Variants in C9 observed in about 807,000 individuals in gnomAD.
C9 encodes the protein complement C9.
Under a neutral mutation model 65.4 loss-of-function variants are expected in C9, and 63 were observed. The ratio of observed to expected loss-of-function variants is 0.96; its 90% CI spans 0.79 to 1.19. The LOEUF is 1.19. Among genes scored for constraint, C9 ranks in the 50% most tolerant of loss-of-function variants. C9 has a pLI of 0.00. For missense variants in C9, 744 were observed against 670.1 expected, an observed-to-expected ratio of 1.11 and a Z score of -1.22; for synonymous variants, 229 against 227.9, an observed-to-expected ratio of 1.00 and a Z score of -0.04.
At chr5:39,320,215 C>G (rs535927558) in intron 5 of C9, among the ~76,000 whole-genome samples, 28 of 151,974 alleles carry the variant, frequency 1.8e-4, no homozygotes, top group East Asian at 1.9e-4. Flanking sequence ...AAATAATCAG[C>G]TTAAAGAAGC....
At chr5:39,294,481 C>T (rs1367042401) in intron 9 of C9, among the ~76,000 whole-genome samples, 9 of 151,718 alleles carry the variant, frequency 5.9e-5, no homozygotes, top group Non-Finnish European at 1.3e-4. Flanking sequence ...GGATAAATTT[C>T]TAGACACATA....
At chr5:39,352,494 C>A (rs907748847) in intron 1 of C9, among the ~76,000 whole-genome samples, 2 of 152,154 alleles carry the variant, frequency 1.3e-5, no homozygotes, top group Non-Finnish European at 2.9e-5. Context: ...ATTGTCTTGG[C>A]AAATGGCACT....
intron 9 of C9, among the ~76,000 whole-genome samples, chr5:39,305,072 T>C (rs1753350406): frequency 6.6e-6 from 1 of 152,134 alleles, no homozygotes; most frequent in Non-Finnish European, 1.5e-5. Flanking sequence ...GATGTAAATA[T>C]TCACCTAAAT....
intron 10 of C9, among the ~76,000 whole-genome samples, chr5:39,286,226 G>A (rs1246198582): frequency 6.6e-6 from 1 of 151,978 alleles, no homozygotes; most frequent in African/African-American, 2.4e-5. Context: ...CTAACCCTAA[G>A]AATATGTTCA....
At chr5:39,339,615 A>G (rs1228792780) in intron 4 of C9, among the ~76,000 whole-genome samples, 2 of 147,732 alleles carry the variant, frequency 1.4e-5, no homozygotes, top group Non-Finnish European at 3.0e-5. Context: ...CCAAGATGTC[A>G]CAGCTACAAT....
chr5:39,334,140 C>G lies in C9; in HGVS notation c.477-2326G>C, dbSNP rs1271161375. Among the ~76,000 whole-genome samples, 3 of 149,636 alleles carry G rather than the reference C, an allele frequency of 2.0e-5. No homozygotes were observed. The East Asian group carries it at 6.0e-4, about 30-fold the overall frequency. ...CTGGAAAGTGAGGAGCCTCTCTGCC[C>G]GGCCGCCATCCCACCTAGGAAGTGA... On this transcript the variant is annotated intron_variant, in intron 4 of 10. Coordinates refer to ENST00000263408, the MANE Select transcript of C9 (RefSeq NM_001737.5).
intron 6 of C9, among the ~76,000 whole-genome samples, chr5:39,315,136 T>C (rs1753548362): frequency 1.3e-5 from 2 of 152,198 alleles, no homozygotes; most frequent in South Asian, 4.1e-4. Flanking sequence ...GAGTGAATTA[T>C]TATTGTTAAT....
intron 1 of C9, among the ~76,000 whole-genome samples, chr5:39,352,577 G>T (rs925942864): frequency 6.6e-6 from 1 of 152,106 alleles, no homozygotes; most frequent in Non-Finnish European, 1.5e-5. Context: ...CCTCATCTAT[G>T]CCATCTAGTC....
At chr5:39,330,850 A>T (rs1328575519) in intron 5 of C9, among the ~76,000 whole-genome samples, 1 of 152,214 alleles carries the variant, frequency 6.6e-6, no homozygotes, top group African/African-American at 2.4e-5. Context: ...ATATGTAGAG[A>T]CTGATTTATG....
Position 39,290,454 on chromosome 5 carries a change from AAAACAAAC to A in C9, c.1417-1511_1417-1504del, listed in dbSNP as rs144503664. On this transcript the variant is annotated intron_variant, in intron 9 of 10. Transcript: ENST00000263408. ...ATGAGAATCTATAGAGCCCAGAGCTAAAACAAACAAACAAACAAACAAACAAAAACAAA... is the reference window on the plus strand; with the variant it reads ...ATGAGAATCTATAGAGCCCAGAGCTAAAACAAACAAACAAACAAAAACAAA... Among the ~76,000 whole-genome samples the A allele has an allele frequency of 8.1e-4, 122 of 150,516 alleles. 1 individual carries two copies. In the South Asian group the frequency reaches 0.022, roughly 27 times the overall value.
chr5:39,355,694 T>C (rs1179193315), intron 1 of C9, among the ~76,000 whole-genome samples: 1 of 152,192 alleles, frequency 6.6e-6, no homozygotes, highest in Admixed American at 6.5e-5. Context: ...CATAACAAAG[T>C]ACCACAGACT....
Position 39,341,693 on chromosome 5 carries a change from G to A in C9, c.191C>T (p.Ser64Leu). Reference protein sequence around the residue: ...CDPCLRQMFRSRSIEVFGQFN... With the variant: ...CDPCLRQMFRLRSIEVFGQFN... ...TTGTCCAAAGACCTCAATGCTTCTT[G>A]AACGAAACTGCACAATATCAGTTGG... The change falls in exon 3 of 11, where the codon TCA becomes TTA. Residue 64 changes from serine to leucine, a missense_variant. Transcript: ENST00000263408. The A allele has an allele frequency of 6.2e-7, 1 of 1,613,968 alleles. No homozygotes were observed. The highest frequency in any genetic ancestry group is 1.1e-5 in the South Asian group (1 of 91,068).
chr5:39,346,853 A>T (rs1270546039), intron 1 of C9, among the ~76,000 whole-genome samples: 1 of 152,356 alleles, frequency 6.6e-6, no homozygotes, highest in South Asian at 2.1e-4. Flanking sequence ...CCTGGGATGC[A>T]AGGCTGGTTC....
chr5:39,314,665 C>T (rs1003699633), intron 6 of C9, among the ~76,000 whole-genome samples: 3 of 152,048 alleles, frequency 2.0e-5, no homozygotes, highest in African/African-American at 7.2e-5. Context: ...TCTAACAGTT[C>T]CTTCCGTCAG....
intron 1 of C9, among the ~76,000 whole-genome samples, chr5:39,345,733 C>T (rs1385798069): frequency 2.0e-5 from 3 of 152,210 alleles, no homozygotes; most frequent in Non-Finnish European, 2.9e-5. Context: ...CTCAGCACCA[C>T]ATCGCACTTA....
Position 39,308,211 on chromosome 5 carries a change from C to CA in C9, c.1240+18dup. The CA allele has an allele frequency of 6.2e-7, 1 of 1,611,008 alleles. No individual in the cohort carries two copies. Among genetic ancestry groups the CA allele is most frequent in the Non-Finnish European group, 8.5e-7 (1 of 1,177,312 alleles). ...TACCCTCAGGCTTTATAAAATCTAA[C>CA]AAGTGAGGCCACACTTACCAGCTCT... is the stretch of plus-strand genomic sequence containing the variant. On this transcript the variant is annotated intron_variant, in intron 8 of 10. Transcript: ENST00000263408.
chr5:39,308,764 T>G (rs1753425032), intron 7 of C9, among the ~76,000 whole-genome samples: 1 of 152,214 alleles, frequency 6.6e-6, no homozygotes, highest in Admixed American at 6.5e-5. Context: ...CCTTATGAAG[T>G]AAGTCCATAT....
intron 1 of C9, among the ~76,000 whole-genome samples, chr5:39,345,403 A>G (rs1369607195): frequency 6.6e-6 from 1 of 152,228 alleles, no homozygotes; most frequent in Non-Finnish European, 1.5e-5. Context: ...CTTTAAACCA[A>G]AAAAGATCAA....
At chr5:39,339,902 G>T (rs1004197121) in intron 4 of C9, among the ~76,000 whole-genome samples, 1 of 151,752 alleles carries the variant, frequency 6.6e-6, no homozygotes, top group South Asian at 2.1e-4. Flanking sequence ...TTCGTGATCC[G>T]CCCGCCTCGG....
Sources: allele counts gnomAD v4.1 joint callset (sites outside exome capture counted in the v4.1 genomes callset), GRCh38; gene constraint gnomAD v4.1.1; transcripts MANE v1.5; gene names NCBI Gene and HGNC (gene_info 2026-07-23, HGNC 2026-07-21).